The following CMPK2 variants were observed in gnomAD, a reference collection of about 807,000 sequenced individuals.
CMPK2 encodes cytidine/uridine monophosphate kinase 2.
A neutral mutation model predicts 33.4 loss-of-function variants in CMPK2; 32 were observed. The ratio of observed to expected loss-of-function variants is 0.96; its 90% CI spans 0.72 to 1.29. CMPK2 has a LOEUF of 1.29. Among genes scored for constraint, CMPK2 ranks in the 50% most tolerant of loss-of-function variants. The pLI is 0.00. For synonymous variants in CMPK2, 299 were observed against 275.3 expected (o/e 1.09, Z -0.85); for missense variants, 672 against 616.0 (o/e 1.09, Z -0.96).
At chr2:6,860,354 C>A (rs1662834784) in intron 3 of CMPK2, among the ~76,000 whole-genome samples, 1 of 152,004 alleles carries the variant, frequency 6.6e-6, no homozygotes, top group African/African-American at 2.4e-5. Context: ...TTGGGAGAGG[C>A]CAGGAGTGGA....
chr2:6,866,598 A>G, upstream of CMPK2: 1 of 310,456 alleles, frequency 3.2e-6, no homozygotes, highest in Non-Finnish European at 4.7e-6. Context: ...GCCACAGTCC[A>G]GCATCAGCAC....
chr2:6,860,726 T>C (rs886342506), intron 3 of CMPK2, among the ~76,000 whole-genome samples: 1 of 152,194 alleles, frequency 6.6e-6, no homozygotes, highest in African/African-American at 2.4e-5. Context: ...TATCATTGAA[T>C]CCTCTAAATT....
downstream of CMPK2, among the ~76,000 whole-genome samples, chr2:6,847,475 C>G (rs1229864969): frequency 6.6e-6 from 1 of 152,202 alleles, no homozygotes; most frequent in Non-Finnish European, 1.5e-5. Context: ...CAGAGGCTCT[C>G]CTATCTGTGC....
Position 6,851,148 on chromosome 2 carries a change from A to T in CMPK2, c.1226+302T>A, listed in dbSNP as rs577028561. 27 of 1,219,954 alleles carry T rather than the reference A, an allele frequency of 2.2e-5. No homozygotes were observed. The African/African-American group carries it at 4.0e-4, about 18-fold the overall frequency. The allele number at this position is 1,219,954 out of a possible 1,614,324, so 75.6% of individuals were successfully genotyped here. A position where few individuals can be genotyped will look rare whatever the true frequency, so the allele number is the denominator to read the frequency against. On this transcript the variant is annotated intron_variant, in intron 4 of 4. Coordinates refer to ENST00000256722, the MANE Select transcript of CMPK2 (RefSeq NM_207315.4). ...TAGTGCTCTGTGTGATTATACTATG[A>T]CTGGGGAAACTGAGGCACAGAGACA...
In CMPK2 at chr2:6,848,940, C is replaced by G. The variant is rs7596174; in HGVS notation, c.*910G>C. 4,471 of 985,704 alleles carry G rather than the reference C, an allele frequency of 4.5e-3. 121 individuals carry two copies. In the African/African-American group the frequency reaches 0.06, roughly 13 times the overall value. The allele number at this position is 985,704 out of a possible 1,614,324, so 61.1% of individuals were successfully genotyped here. On this transcript the variant is annotated 3_prime_UTR_variant, in exon 5 of 5. Transcript: ENST00000256722. ...ATTAAGTTTGTGTAATGAAAATACA[C>G]AACAAACATTGCATTTAGCGTTTTG... is the stretch of plus-strand genomic sequence containing the variant.
chr2:6,845,205 C>T (rs917477842), downstream of CMPK2, among the ~76,000 whole-genome samples: 2 of 152,080 alleles, frequency 1.3e-5, no homozygotes, highest in Non-Finnish European at 2.9e-5. Context: ...AAAAAGACTT[C>T]CCTCAGAAAG....
intron 1 of CMPK2, among the ~76,000 whole-genome samples, chr2:6,864,005 G>C (rs1207762166): frequency 6.6e-6 from 1 of 152,238 alleles, no homozygotes; most frequent in Non-Finnish European, 1.5e-5. Flanking sequence ...TCAGGGGGCT[G>C]AGATAAACAG....
chr2:6,847,275 T>C (rs191390658), downstream of CMPK2, among the ~76,000 whole-genome samples: 1 of 152,218 alleles, frequency 6.6e-6, no homozygotes, highest in East Asian at 1.9e-4. Context: ...AGACTCACAG[T>C]CCAAAAACTG....
downstream of CMPK2, among the ~76,000 whole-genome samples, chr2:6,843,586 C>T (rs1662282089): frequency 6.6e-6 from 1 of 152,082 alleles, no homozygotes; most frequent in Admixed American, 6.5e-5. Flanking sequence ...TTGCCCACAC[C>T]TCTGGGCTAA....
chr2:6,841,654 A>C (rs962801891), intron 3 of CMPK2, among the ~76,000 whole-genome samples: 2 of 151,840 alleles, frequency 1.3e-5, no homozygotes, highest in Admixed American at 1.3e-4. Context: ...GAGAATACTG[A>C]GGCTTTATTT....
chr2:6,850,423 C>A (rs1008955009), intron 4 of CMPK2, among the ~76,000 whole-genome samples: 34 of 152,196 alleles, frequency 2.2e-4, no homozygotes, highest in Non-Finnish European at 4.4e-5. Flanking sequence ...TGCCAGAAAT[C>A]TACATATCCT....
Position 6,851,513 on chromosome 2 carries a change from C to A in CMPK2, c.1163G>T (p.Gly388Val), listed in dbSNP as rs763159950. Reference protein sequence around the residue: ...SPEERLQRLQGRGMEKTREEA... With the variant: ...SPEERLQRLQVRGMEKTREEA... ...TTCCCTGGTCTTCTCCATGCCCCGG[C>A]CCTGCAGCCTCTGCAACCTCTCCTC... Residue 388 changes from glycine (G) to valine (V), a missense_variant, in exon 4 of 5, where the codon GGC becomes GTC. Gly to Val is a moderately radical substitution (Grantham distance 109, BLOSUM62 -3). Coordinates refer to ENST00000256722, the MANE Select transcript of CMPK2 (RefSeq NM_207315.4). The A allele has an allele frequency of 7.4e-6, 12 of 1,614,108 alleles. No homozygotes were observed. The Admixed American group carries it at 1.2e-4, about 16-fold the overall frequency.
chr2:6,849,562 G>C lies in CMPK2; in HGVS notation c.*288C>G. On this transcript the variant is annotated 3_prime_UTR_variant, in exon 5 of 5. Transcript: ENST00000256722. ...AGTAAGACAGGTCTTCCAGATATTTGGTAGTGATTAAGTGAAACATATGTT... is the reference window on the plus strand; with the variant it reads ...AGTAAGACAGGTCTTCCAGATATTTCGTAGTGATTAAGTGAAACATATGTT... 1.7e-6 allele frequency: 2 copies of C among 1,158,790 alleles called. No homozygotes were observed. The highest frequency in any genetic ancestry group is 1.6e-5 in the African/African-American group (1 of 61,394). 71.8% of individuals were successfully genotyped at this position (1,158,790 alleles called of 1,614,324 possible). A position where few individuals can be genotyped will look rare whatever the true frequency, so the allele number is the denominator to read the frequency against.
chr2:6,865,998 G>T, upstream of CMPK2: 1 of 675,130 alleles, frequency 1.5e-6, no homozygotes, highest in Non-Finnish European at 2.1e-6. Flanking sequence ...CCCAGGCGCC[G>T]GCTCCCGGGG....
chr2:6,853,286 A>T (rs1662580330), intron 3 of CMPK2, among the ~76,000 whole-genome samples: 1 of 152,118 alleles, frequency 6.6e-6, no homozygotes, highest in Non-Finnish European at 1.5e-5. Context: ...ATCATTTTAG[A>T]ATTGAACTCC....
downstream of CMPK2, among the ~76,000 whole-genome samples, chr2:6,843,473 T>TA (rs1379331234): frequency 1.3e-5 from 2 of 151,992 alleles, no homozygotes; most frequent in Non-Finnish European, 2.9e-5. Context: ...CTTGAGGGGG[T>TA]ACTGCATTAG....
At chr2:6,865,983 C>T (rs1572147865), upstream of CMPK2, 3 of 898,590 alleles carry the variant, frequency 3.3e-6, no homozygotes, top group Non-Finnish European at 4.5e-6. Flanking sequence ...CGGGCCTGCG[C>T]GGTCCCCAGG....
At chr2:6,843,378 A>G (rs1441141146), downstream of CMPK2, among the ~76,000 whole-genome samples, 1 of 152,096 alleles carries the variant, frequency 6.6e-6, no homozygotes, top group African/African-American at 2.4e-5. Flanking sequence ...GGGTTTCTGT[A>G]CCCCTAATAG....
chr2:6,850,031 A>G, intron 4 of CMPK2, 58 bp from the exon 5 acceptor site: 3 of 1,333,894 alleles, frequency 2.2e-6, no homozygotes, highest in Non-Finnish European at 3.2e-6. Flanking sequence ...TATTTGCATT[A>G]ATGTTCTTTT....
Sources: gnomAD v4.1 joint callset for allele counts (sites outside exome capture counted in the v4.1 genomes callset) on GRCh38, gnomAD v4.1.1 for gene constraint, MANE v1.5 for transcripts, NCBI Gene and HGNC (gene_info 2026-07-23, HGNC 2026-07-21) for gene names.